The following DCK variants were observed in gnomAD, a reference collection of about 807,000 sequenced individuals.
DCK encodes deoxycytidine kinase, also known as deoxyadenosine kinase.
DCK carries 23 observed loss-of-function variants against 38.3 expected under a neutral mutation model. The observed-to-expected ratio is 0.60, with a 90% confidence interval of 0.43 to 0.85. The LOEUF (loss-of-function observed/expected upper bound fraction) is 0.85. DCK is among the 40% of genes least tolerant of loss of function. The pLI, the probability that DCK is intolerant of heterozygous loss-of-function variation, is 0.00. For missense variants in DCK, 259 were observed against 304.4 expected, an observed-to-expected ratio of 0.85 and a Z score of 1.11; for synonymous variants, 108 against 100.6, an observed-to-expected ratio of 1.07 and a Z score of -0.44.
At chr4:71,028,516 C>G (rs902932649) in intron 6 of DCK, 19 of 358,878 alleles carry the variant, frequency 5.3e-5, no homozygotes, top group Admixed American at 3.4e-5. Context: ...CACCACTGTA[C>G]TCAGCCTGGG....
intron 2 of DCK, among the ~76,000 whole-genome samples, chr4:71,019,987 CA>C (rs1740373323): frequency 6.6e-6 from 1 of 152,106 alleles, no homozygotes; most frequent in Admixed American, 6.5e-5. Context: ...AGGGTTTCAC[CA>C]TGTTGGCCAA....
chr4:70,996,419 A>G (rs1381428789), intron 1 of DCK, among the ~76,000 whole-genome samples: 2 of 152,186 alleles, frequency 1.3e-5, no homozygotes, highest in Non-Finnish European at 2.9e-5. Flanking sequence ...GATTTCCCAT[A>G]AACAATTAGA....
At chr4:71,012,508 G>A (rs189747856) in intron 2 of DCK, among the ~76,000 whole-genome samples, 1 of 152,210 alleles carries the variant, frequency 6.6e-6, no homozygotes, top group Non-Finnish European at 1.5e-5. Context: ...TAACTGAGAG[G>A]CACCCCCCAG....
chr4:71,012,733 CAGAA>C (rs1740134782), intron 2 of DCK, among the ~76,000 whole-genome samples: 1 of 152,184 alleles, frequency 6.6e-6, no homozygotes, highest in African/African-American at 2.4e-5. Context: ...AACTAACAAA[CAGAA>C]AGGACATCCA....
At chr4:71,006,364 A>AT (rs935778868) in intron 2 of DCK, 1 of 731,048 alleles carries the variant, frequency 1.4e-6, no homozygotes, top group African/African-American at 1.9e-5. Context: ...ACCAAAATGT[A>AT]TGGTTGTATG....
intron 1 of DCK, among the ~76,000 whole-genome samples, chr4:70,997,472 C>G (rs1288181053): frequency 6.6e-6 from 1 of 152,160 alleles, no homozygotes; most frequent in Non-Finnish European, 1.5e-5. Flanking sequence ...ACCTGTGTCA[C>G]CTTCTTTACT....
In DCK at chr4:71,001,855, C is replaced by T. The variant is rs537355811; in HGVS notation, c.207+3673C>T. On this transcript the variant is annotated intron_variant, in intron 2 of 6. Transcript: ENST00000286648. ...CCTTTATTGTGTCTATTTGATTCTT[C>T]CCGCTTTTCTTCTTTATTATTCTGG... 2.6e-5 allele frequency among the ~76,000 whole-genome samples: 4 copies of T among 152,180 alleles called. No homozygotes were observed. The East Asian group carries it at 7.7e-4, about 29-fold the overall frequency.
At chr4:71,027,656 A>G (rs1695993780) in intron 6 of DCK, among the ~76,000 whole-genome samples, 1 of 152,172 alleles carries the variant, frequency 6.6e-6, no homozygotes, top group Non-Finnish European at 1.5e-5. Flanking sequence ...AAGGATTTTG[A>G]AAATCTTGAC....
chr4:71,026,219 C>T (rs1740543937), intron 5 of DCK, among the ~76,000 whole-genome samples: 1 of 152,020 alleles, frequency 6.6e-6, no homozygotes, highest in Non-Finnish European at 1.5e-5. Flanking sequence ...TTTAGGTACT[C>T]TTTCAGAAAG....
intron 2 of DCK, among the ~76,000 whole-genome samples, chr4:71,009,097 C>T (rs78643372): frequency 6.6e-5 from 10 of 152,288 alleles, no homozygotes; most frequent in East Asian, 5.8e-4. Flanking sequence ...GATGGACACC[C>T]TGAATGATTC....
Position 71,023,584 on chromosome 4 carries a change from G to A in DCK, c.427G>A (p.Glu143Lys). The A allele has an allele frequency of 6.2e-7, 1 of 1,602,214 alleles. No individual in the cohort carries two copies. The highest frequency in any genetic ancestry group is 1.3e-5 in the African/African-American group (1 of 74,554). Residue 143 changes from glutamate (E) to lysine (K), a missense_variant, in exon 4 of 7, where the codon GAA (glutamate) becomes AAA (lysine). Glu to Lys is a moderately conservative substitution (Grantham distance 56). Coordinates refer to ENST00000286648, the MANE Select transcript of DCK (RefSeq NM_000788.3). ...GTATATTTTTGCATCTAATTTGTAT[G>A]AATCTGAATGCATGAATGAGACAGA... The part of the protein sequence containing the change: ...DRYIFASNLY[E>K]SECMNETEWT...
At chr4:71,004,926 A>ACTTGGCTCCCTGGCTTCAGCCCC (rs372021301) in intron 2 of DCK, among the ~76,000 whole-genome samples, 189 of 152,072 alleles carry the variant, frequency 1.2e-3, no homozygotes, top group African/African-American at 2.6e-3. Flanking sequence ...GAGCAAGACC[A>ACTTGGCTCCCTGGCTTCAGCCCC]CTTGGCTCCC....
intron 1 of DCK, among the ~76,000 whole-genome samples, chr4:70,995,149 A>G (rs970879236): frequency 6.6e-6 from 1 of 152,250 alleles, no homozygotes; most frequent in Non-Finnish European, 1.5e-5. Flanking sequence ...TTAAAGCACC[A>G]GTAGAAAGAC....
chr4:71,028,681 C>T (rs1465901546), intron 6 of DCK: 6 of 444,804 alleles, frequency 1.3e-5, no homozygotes, highest in Admixed American at 7.2e-5. Context: ...CTGCCATCTC[C>T]ACCTCCCAGG....
intron 1 of DCK, among the ~76,000 whole-genome samples, chr4:70,997,420 C>T (rs1404965165): frequency 6.6e-6 from 1 of 152,150 alleles, no homozygotes; most frequent in African/African-American, 2.4e-5. Context: ...TTCTCCTCTC[C>T]TCTGGATACA....
In DCK at chr4:70,993,888, G is replaced by A. The variant is rs1578415612; in HGVS notation, c.53G>A (p.Gly18Glu). ...SCPSFSASSE[G>E]TRIKKISIEG... The stretch of plus-strand genomic sequence containing the variant: ...CCGTCTTTCTCAGCCAGCTCTGAGG[G>A]GACCCGCATCAAGAAAATCTCCATC... The change falls in exon 1 of 7, where the codon GGG becomes GAG. Residue 18 changes from glycine to glutamate, a missense_variant. Gly to Glu is a moderately conservative substitution (Grantham distance 98, BLOSUM62 -2). Coordinates refer to ENST00000286648, the MANE Select transcript of DCK (RefSeq NM_000788.3). 2 of 1,614,050 alleles carry A rather than the reference G, an allele frequency of 1.2e-6. No homozygotes were observed. The highest frequency in any genetic ancestry group is 1.7e-6 in the Non-Finnish European group (2 of 1,179,918).
At chr4:71,000,829 G>T (rs890246124) in intron 2 of DCK, among the ~76,000 whole-genome samples, 32 of 152,184 alleles carry the variant, frequency 2.1e-4, no homozygotes, top group African/African-American at 7.5e-4. Context: ...GTCTGTTAGT[G>T]GTGTATAGGA....
At chr4:71,019,671 T>C (rs1288487822) in intron 2 of DCK, among the ~76,000 whole-genome samples, 2 of 152,184 alleles carry the variant, frequency 1.3e-5, no homozygotes, top group African/African-American at 2.4e-5. Context: ...TATCATCTTA[T>C]CCGGTCTGTG....
chr4:71,006,918 A>C (rs1739959995), intron 2 of DCK, among the ~76,000 whole-genome samples: 1 of 152,240 alleles, frequency 6.6e-6, no homozygotes, highest in Non-Finnish European at 1.5e-5. Flanking sequence ...AGTATCTAAA[A>C]AAATTTAGCT....
Sources: allele counts gnomAD v4.1 joint callset (sites outside exome capture counted in the v4.1 genomes callset), GRCh38; gene constraint gnomAD v4.1.1; transcripts MANE v1.5; gene names NCBI Gene and HGNC (gene_info 2026-07-23, HGNC 2026-07-21).